DRG1: variants seen among roughly 807,000 people sequenced by gnomAD.
The protein encoded by DRG1 is developmentally regulated GTP binding protein 1, also known as developmentally-regulated GTP-binding protein 1.
Under a neutral mutation model 38.8 loss-of-function variants are expected in DRG1, and 19 were observed. The ratio of observed to expected loss-of-function variants is 0.49; its 90% CI spans 0.34 to 0.72. The LOEUF is 0.72. Among genes scored for constraint, DRG1 ranks in the 30% least tolerant of loss-of-function variants. The probability of loss-of-function intolerance (pLI) is 0.01; values close to 1 mark genes in which losing one functional copy is unlikely to be tolerated. For synonymous variants in DRG1, 167 were observed against 157.5 expected, an observed-to-expected ratio of 1.06 and a Z score of -0.45; for missense variants, 299 against 444.8, an observed-to-expected ratio of 0.67 and a Z score of 2.95.
At chr22:31,423,646 C>T (rs2050090818) in intron 6 of DRG1, among the ~76,000 whole-genome samples, 1 of 151,222 alleles carries the variant, frequency 6.6e-6, no homozygotes, top group Admixed American at 6.6e-5. Context: ...TCTGCCTCAG[C>T]CTCCCGAGTA....
intron 4 of DRG1, among the ~76,000 whole-genome samples, chr22:31,417,987 C>CAA (rs955142490): frequency 3.0e-5 from 3 of 98,620 alleles, no homozygotes; most frequent in East Asian, 2.9e-4. Context: ...AACTCCATCT[C>CAA]AAAAAAAAAA....
intron 4 of DRG1, among the ~76,000 whole-genome samples, chr22:31,417,612 G>A (rs147168118): frequency 0.013 from 1,731 of 135,698 alleles, 12 homozygotes; most frequent in Middle Eastern, 0.037. Flanking sequence ...CCCAGGAGGC[G>A]GAGGTTGCAG....
At chr22:31,414,154 TTC>T (rs758802718) in intron 4 of DRG1, among the ~76,000 whole-genome samples, 9 of 152,160 alleles carry the variant, frequency 5.9e-5, no homozygotes, top group Non-Finnish European at 8.8e-5. Context: ...GATTCTTTTT[TTC>T]TCTGTCTCTG....
chr22:31,405,814 A>G (rs2049986935), intron 3 of DRG1, among the ~76,000 whole-genome samples: 2 of 150,954 alleles, frequency 1.3e-5, no homozygotes, highest in Admixed American at 6.6e-5. Context: ...TCAGCCTCCC[A>G]AGTAGCTGGG....
chr22:31,427,029 G>A (rs748115183), intron 7 of DRG1, 31 bp from the exon 8 acceptor site: 2 of 1,612,928 alleles, frequency 1.2e-6, no homozygotes, highest in Non-Finnish European at 1.7e-6. Context: ...AGTCTAAGAA[G>A]GCAGTAATCT....
chr22:31,399,948 C>T (rs558147435), intron 1 of DRG1, among the ~76,000 whole-genome samples: 17 of 152,224 alleles, frequency 1.1e-4, no homozygotes, highest in African/African-American at 4.1e-4. Context: ...CTCTCGGACT[C>T]CCCTTTGCCC....
At chr22:31,415,991 A>G (rs529373489) in intron 4 of DRG1, among the ~76,000 whole-genome samples, 2 of 152,196 alleles carry the variant, frequency 1.3e-5, no homozygotes, top group South Asian at 2.1e-4. Flanking sequence ...GCTCTGTAGT[A>G]TCTTCTCACT....
chr22:31,410,585 C>T (rs769224568), intron 3 of DRG1, among the ~76,000 whole-genome samples: 25 of 151,912 alleles, frequency 1.6e-4, no homozygotes, highest in Admixed American at 1.3e-3. Flanking sequence ...AGGCTGATGC[C>T]GGTGGATCCC....
At chr22:31,421,140 T>A (rs550376541) in intron 5 of DRG1, among the ~76,000 whole-genome samples, 1 of 152,040 alleles carries the variant, frequency 6.6e-6, no homozygotes, top group East Asian at 1.9e-4. Context: ...GGCTGGTCGG[T>A]TTCATTCTGT....
At position 31,431,993 on chromosome 22, in the gene DRG1, A is replaced by G. The variant is rs1054847480; in HGVS notation, c.1005-1879A>G. Among the ~76,000 whole-genome samples the G allele has an allele frequency of 2.6e-5, 4 of 152,060 alleles. No homozygotes were observed. The East Asian group carries it at 7.7e-4, about 29-fold the overall frequency. On this transcript the variant is annotated intron_variant, in intron 8 of 8. Coordinates refer to ENST00000331457, the MANE Select transcript of DRG1 (RefSeq NM_004147.4). ...TAAAAAGGGGAGAAAAATGTCTCAG[A>G]TAAGAAACATATCGAAGCAAACAGG... is the stretch of plus-strand genomic sequence containing the variant.
intron 8 of DRG1, 69 bp from the exon 9 acceptor site, chr22:31,433,803 G>A: frequency 1.4e-6 from 2 of 1,380,348 alleles, no homozygotes; most frequent in Non-Finnish European, 2.1e-6. Flanking sequence ...CAGAAGGGTG[G>A]CATCCAGGCA....
chr22:31,411,192 T>C, intron 4 of DRG1, 111 bp downstream of exon 4: 5 of 1,101,602 alleles, frequency 4.5e-6, no homozygotes, highest in Non-Finnish European at 6.6e-6. Context: ...GGGCATAGTT[T>C]CACCTGACTT....
At chr22:31,425,161 AAATTT>A (rs2050102912) in intron 6 of DRG1, among the ~76,000 whole-genome samples, 1 of 151,988 alleles carries the variant, frequency 6.6e-6, no homozygotes, top group South Asian at 2.1e-4. Context: ...CCTTGCTTTT[AAATTT>A]AATTATGATG....
At position 31,426,667 on chromosome 22, in the gene DRG1, G is replaced by A; in HGVS notation, c.766G>A (p.Glu256Lys). ...AAATAAGATTGACCAAATCTCCATT[G>A]AGGAATTGGATATCATCTATAAGGT... ...VLNKIDQISI[E>K]ELDIIYKVPH... is the part of the protein sequence containing the mutation. The change falls in exon 7 of 9, where the codon GAG (glutamate) becomes AAG (lysine). Residue 256 changes from glutamate to lysine, a missense_variant. Transcript: ENST00000331457. 3 of 1,613,946 alleles carry A rather than the reference G, an allele frequency of 1.9e-6. No homozygotes were observed. In the South Asian group the frequency reaches 3.3e-5, roughly 18 times the overall value.
At chr22:31,419,920 G>C (rs2050066786) in intron 4 of DRG1, among the ~76,000 whole-genome samples, 1 of 152,164 alleles carries the variant, frequency 6.6e-6, no homozygotes, top group South Asian at 2.1e-4. Context: ...GCATGTGCCT[G>C]TAGTCCCAGC....
chr22:31,412,695 C>CT (rs1246133923), intron 4 of DRG1, among the ~76,000 whole-genome samples: 10 of 149,672 alleles, frequency 6.7e-5, no homozygotes, highest in East Asian at 2.0e-4. Context: ...TTGGTGGAGC[C>CT]TTTTTTTTTC....
chr22:31,410,184 C>T (rs1725698465), intron 3 of DRG1, among the ~76,000 whole-genome samples: 1 of 152,054 alleles, frequency 6.6e-6, no homozygotes, highest in Non-Finnish European at 1.5e-5. Context: ...GGCCTAGGTG[C>T]AGTGGCTCAT....
chr22:31,420,224 T>G (rs1306775243), intron 4 of DRG1, 32 bp from the exon 5 acceptor site: 1 of 1,603,682 alleles, frequency 6.2e-7, no homozygotes, highest in South Asian at 1.1e-5. Flanking sequence ...TTTATTGAAC[T>G]TTCTTGCGTA....
chr22:31,411,530 C>CTTTTTT (rs71319191), intron 4 of DRG1, among the ~76,000 whole-genome samples: 2 of 129,806 alleles, frequency 1.5e-5, no homozygotes. Context: ...TCTGTCTTTT[C>CTTTTTT]TTTTTTTTTT....
Sources: allele counts gnomAD v4.1 joint callset (sites outside exome capture counted in the v4.1 genomes callset), GRCh38; gene constraint gnomAD v4.1.1; transcripts MANE v1.5; gene names NCBI Gene and HGNC (gene_info 2026-07-23, HGNC 2026-07-21).